The following TENM2 variants were observed in gnomAD, a reference collection of about 807,000 sequenced individuals.
TENM2 encodes teneurin transmembrane protein 2.
In TENM2, 52 loss-of-function variants were observed where a neutral mutation model predicts 245.2. The ratio of observed to expected loss-of-function variants is 0.21; its 90% CI spans 0.17 to 0.27. TENM2 has a LOEUF of 0.27. TENM2 is among the 10% of genes least tolerant of loss of function. The pLI, the probability that TENM2 is intolerant of heterozygous loss-of-function variation, is 1.00. For synonymous variants in TENM2, 1,363 were observed against 1,438.9 expected (o/e 0.95, Z 1.19); for missense variants, 3,046 against 3,666.8 (o/e 0.83, Z 4.37).
intron 2 of TENM2, among the ~76,000 whole-genome samples, chr5:167,442,821 A>G (rs564184394): frequency 6.6e-6 from 1 of 152,260 alleles, no homozygotes; most frequent in South Asian, 2.1e-4. Flanking sequence ...ATTTTCAGTG[A>G]GAGCTCTCAC....
chr5:167,244,909 T>C, the TENM2 span, among the ~76,000 whole-genome samples: 1 of 151,612 alleles, frequency 6.6e-6, no homozygotes, highest in South Asian at 2.1e-4. Context: ...AAAAGTATAG[T>C]GGAAGTAAGA....
rs192433871 is a variant in TENM2 at position 167,644,553 on chromosome 5, T to C, written c.503-231433T>C. Among the ~76,000 whole-genome samples, 4 of 152,276 alleles carry C rather than the reference T, an allele frequency of 2.6e-5. No individual in the cohort carries two copies. The East Asian group carries it at 7.7e-4, about 29-fold the overall frequency. On this transcript the variant is annotated intron_variant, in intron 2 of 28. Transcript: ENST00000518659. ...AGTAAATGGTAGCTACTATTTTGTATCAGGCACTCTGCTACAGACATTACG... is the reference window on the plus strand; with the variant it reads ...AGTAAATGGTAGCTACTATTTTGTACCAGGCACTCTGCTACAGACATTACG...
At chr5:167,007,803 T>C in the TENM2 span, among the ~76,000 whole-genome samples, 1 of 152,188 alleles carries the variant, frequency 6.6e-6, no homozygotes, top group African/African-American at 2.4e-5. This position sits in a 1 kb window ranked among gnomAD's most constrained non-coding sequence, Gnocchi z 4.2. Flanking sequence ...GGTGGCATGT[T>C]TCCACCACTT....
At position 167,342,494 on chromosome 5, in the gene TENM2, C is replaced by CTG. The variant is rs888357838; in HGVS notation, c.227-32702_227-32701dup. ...GCGGTCGGGTTTTCAGGTTTCTCAA[C>CTG]TGTAAAGTTATTCTTTTTTTTTTTT... On this transcript the variant is annotated intron_variant, in intron 1 of 28. Transcript: ENST00000518659. 1.2e-4 allele frequency among the ~76,000 whole-genome samples: 16 copies of CTG among 135,650 alleles called. 1 individual carries two copies. The highest frequency in any genetic ancestry group is 8.1e-4 in the Admixed American group (11 of 13,512). The allele number at this position is 135,650 out of a possible 152,430, so 89.0% of individuals were successfully genotyped here.
chr5:167,781,458 G>C (rs1315349052), intron 2 of TENM2, among the ~76,000 whole-genome samples: 1 of 152,196 alleles, frequency 6.6e-6, no homozygotes, highest in Non-Finnish European at 1.5e-5. Context: ...GAAGGAAGTA[G>C]GCAAGAAATA....
At chr5:167,398,082 C>T (rs143670348) in intron 2 of TENM2, among the ~76,000 whole-genome samples, 5 of 152,184 alleles carry the variant, frequency 3.3e-5, no homozygotes, top group Admixed American at 1.3e-4. Flanking sequence ...CCTAGCTCTG[C>T]GACTAACTAG....
chr5:168,246,940 A>G (rs1400525474), exon 27 of TENM2: 1 of 1,614,008 alleles, frequency 6.2e-7, no homozygotes, highest in South Asian at 1.1e-5. Flanking sequence ...CTTTGACTAC[A>G]GTGATGACGG....
chr5:167,477,980 AC>A (rs1182810011), intron 2 of TENM2, among the ~76,000 whole-genome samples: 2 of 152,232 alleles, frequency 1.3e-5, no homozygotes, highest in Non-Finnish European at 2.9e-5. Context: ...TTAGGGAATT[AC>A]GGTTCATTCA....
chr5:168,197,475 C>T (rs902999802), intron 15 of TENM2, among the ~76,000 whole-genome samples: 3 of 152,134 alleles, frequency 2.0e-5, no homozygotes, highest in African/African-American at 4.8e-5. Context: ...CAGAGGCAGG[C>T]GGATCACGAA....
chr5:167,770,661 C>T (rs1223670731), intron 2 of TENM2, among the ~76,000 whole-genome samples: 1 of 152,138 alleles, frequency 6.6e-6, no homozygotes, highest in Non-Finnish European at 1.5e-5. Flanking sequence ...TTTTGACTCA[C>T]AGCATTATTA....
intron 12 of TENM2, among the ~76,000 whole-genome samples, chr5:168,144,780 G>A: frequency 6.6e-6 from 1 of 152,172 alleles, no homozygotes; most frequent in African/African-American, 2.4e-5. Flanking sequence ...GGTTGAACTA[G>A]TTTACACTCC....
chr5:167,945,499 C>A (rs1779540453), intron 3 of TENM2, among the ~76,000 whole-genome samples: 1 of 152,126 alleles, frequency 6.6e-6, no homozygotes, highest in African/African-American at 2.4e-5. Flanking sequence ...GTGCTTATCA[C>A]ACAGTTGGTG....
At position 167,643,183 on chromosome 5, in the gene TENM2, G is replaced by C. The variant is rs58193990; in HGVS notation, c.503-232803G>C. ...TTCAATGATTTTTGGTAACTTTACTGAAATGCCATAACCACAAATCAGTTT... is the reference window on the plus strand; with the variant it reads ...TTCAATGATTTTTGGTAACTTTACTCAAATGCCATAACCACAAATCAGTTT... On this transcript the variant is annotated intron_variant, in intron 2 of 28. Transcript: ENST00000518659. Among the ~76,000 whole-genome samples, 201 of 152,286 alleles carry C rather than the reference G, an allele frequency of 1.3e-3. 2 individuals carry two copies. In the East Asian group the frequency reaches 0.03, roughly 23 times the overall value.
the TENM2 span, among the ~76,000 whole-genome samples, chr5:167,116,032 A>C: frequency 6.6e-6 from 1 of 152,256 alleles, no homozygotes; most frequent in African/African-American, 2.4e-5. Flanking sequence ...GCTGTCTGGC[A>C]CATGGTAAGC....
At chr5:168,017,267 C>T (rs1418254147) in intron 5 of TENM2, among the ~76,000 whole-genome samples, 1 of 152,148 alleles carries the variant, frequency 6.6e-6, no homozygotes, top group African/African-American at 2.4e-5. Context: ...CTTAAACCTC[C>T]CTAAGTTTCA....
chr5:167,057,165 T>G, the TENM2 span, among the ~76,000 whole-genome samples: 1 of 152,204 alleles, frequency 6.6e-6, no homozygotes, highest in Non-Finnish European at 1.5e-5. Flanking sequence ...GGTTTAGATC[T>G]CTAGCATTTC....
In TENM2 at chr5:167,553,976, C is replaced by T. The variant is rs6869427; in HGVS notation, c.502+178503C>T. 1.4e-3 allele frequency among the ~76,000 whole-genome samples: 215 copies of T among 152,272 alleles called. 3 individuals are homozygous for T. The South Asian group carries it at 0.02, about 14-fold the overall frequency. On this transcript the variant is annotated intron_variant, in intron 2 of 28. Transcript: ENST00000518659. ...GGTCTTCTGTCAGCATGGAAGGGTCCTCTTCAGGTCTCACAACATAATGGC... is the reference window on the plus strand; with the variant it reads ...GGTCTTCTGTCAGCATGGAAGGGTCTTCTTCAGGTCTCACAACATAATGGC...
intron 7 of TENM2, among the ~76,000 whole-genome samples, chr5:168,089,379 C>T (rs1792730158): frequency 6.6e-6 from 1 of 152,148 alleles, no homozygotes; most frequent in African/African-American, 2.4e-5. Flanking sequence ...TTAAAACATC[C>T]CTTTCATCAC....
intron 2 of TENM2, among the ~76,000 whole-genome samples, chr5:167,584,479 T>G (rs1266228689): frequency 6.6e-6 from 1 of 151,982 alleles, no homozygotes; most frequent in Non-Finnish European, 1.5e-5. Context: ...TTGGGGGAGG[T>G]AACCAGTCAG....
Sources: gnomAD v4.1 joint callset for allele counts (sites outside exome capture counted in the v4.1 genomes callset) on GRCh38, gnomAD v4.1.1 for gene constraint, Gnocchi (gnomAD v3.1) non-coding constraint, MANE v1.5 for transcripts, NCBI Gene and HGNC (gene_info 2026-07-23, HGNC 2026-07-21) for gene names.